ABCB5: variants seen among roughly 807,000 people sequenced by gnomAD.
ABCB5 encodes the protein ATP binding cassette subfamily B member 5.
A neutral mutation model predicts 144.2 loss-of-function variants in ABCB5; 155 were observed. The ratio of observed to expected loss-of-function variants is 1.08; its 90% CI spans 0.94 to 1.23. ABCB5 has a LOEUF of 1.23. ABCB5 is among the 50% of genes most tolerant of loss of function. The pLI is 0.00. For synonymous variants in ABCB5, 610 were observed against 528.6 expected (o/e 1.15, Z -2.11); for missense variants, 1,830 against 1,520.8 (o/e 1.20, Z -3.38).
At chr7:20,634,504 C>T (rs974243881) in intron 5 of ABCB5, among the ~76,000 whole-genome samples, 2 of 152,080 alleles carry the variant, frequency 1.3e-5, no homozygotes, top group East Asian at 1.9e-4. Context: ...TACTAATTTA[C>T]GTTACCCCCA....
intron 14 of ABCB5, among the ~76,000 whole-genome samples, chr7:20,665,868 A>T (rs1785173924): frequency 5.6e-4 from 1 of 1,788 alleles, no homozygotes; most frequent in Non-Finnish European, 8.9e-4. Flanking sequence ...TTTGCAGTTA[A>T]AAAAAAAAAA....
intron 7 of ABCB5, among the ~76,000 whole-genome samples, chr7:20,644,118 C>A (rs11982947): frequency 0.087 from 13,231 of 151,450 alleles, 1,787 homozygotes; most frequent in African/African-American, 0.28. Flanking sequence ...CAAGGTCTCA[C>A]TGTGTCACAC....
intron 14 of ABCB5, among the ~76,000 whole-genome samples, chr7:20,676,736 A>G (rs1785626546): frequency 6.6e-6 from 1 of 152,252 alleles, no homozygotes; most frequent in East Asian, 1.9e-4. Flanking sequence ...TTAAGAGGAT[A>G]GATCTCATGT....
intron 15 of ABCB5, among the ~76,000 whole-genome samples, chr7:20,682,414 A>G (rs1785859217): frequency 6.6e-6 from 1 of 152,180 alleles, no homozygotes. Flanking sequence ...ATTACCCACA[A>G]AAGGCTTCAT....
chr7:20,659,843 C>G (rs1447101937), intron 14 of ABCB5: 11 of 913,172 alleles, frequency 1.2e-5, no homozygotes, highest in East Asian at 1.2e-4. Flanking sequence ...ATCACCACAC[C>G]CAGCTAATTT....
At chr7:20,693,249 C>T (rs992704529) in intron 16 of ABCB5, among the ~76,000 whole-genome samples, 1 of 151,888 alleles carries the variant, frequency 6.6e-6, no homozygotes, top group Non-Finnish European at 1.5e-5. Flanking sequence ...TTCCTGTAGT[C>T]CCAGCTACTG....
intron 16 of ABCB5, 110 bp downstream of exon 16, chr7:20,685,946 A>G: frequency 8.7e-7 from 1 of 1,155,692 alleles, no homozygotes; most frequent in Non-Finnish European, 1.2e-6. Context: ...TGTAGCACTA[A>G]GCTCACAAAA....
At chr7:20,658,236 T>C (rs572639521) in intron 13 of ABCB5, among the ~76,000 whole-genome samples, 10 of 152,214 alleles carry the variant, frequency 6.6e-5, no homozygotes, top group Admixed American at 5.9e-4. Flanking sequence ...TTTAAATTAT[T>C]ATTAATTTTT....
At chr7:20,698,713 G>C (rs1786508232) in intron 17 of ABCB5, among the ~76,000 whole-genome samples, 163 bp downstream of exon 17, 1 of 152,200 alleles carries the variant, frequency 6.6e-6, no homozygotes, top group Non-Finnish European at 1.5e-5. Flanking sequence ...GTTCCCAGGA[G>C]ATAAGCCAGC....
At chr7:20,727,225 C>T (rs1185173121) in intron 22 of ABCB5, 85 bp downstream of exon 22, 1 of 865,534 alleles carries the variant, frequency 1.2e-6, no homozygotes, top group Non-Finnish European at 1.8e-6. Flanking sequence ...GGTTTGCCTG[C>T]TAATTCATTT....
At chr7:20,647,693 G>C in intron 10 of ABCB5, 45 bp downstream of exon 10, 3 of 1,532,580 alleles carry the variant, frequency 2.0e-6, no homozygotes, top group South Asian at 1.3e-5. Context: ...ATTACTGCAA[G>C]AAGGAGACAA....
Position 20,646,036 on chromosome 7 carries a change from T to C in ABCB5, c.879T>C (p.Ala293=). The change falls in exon 9 of 28, where the codon GCT becomes GCC. Residue 293 remains alanine (A), a synonymous_variant. Coordinates refer to ENST00000404938, the MANE Select transcript of ABCB5 (RefSeq NM_001163941.2). ...TAGCTTCAAAAGTGTCTCTTGGTGCTGTGTACTTCTTTATGAATGGAACCT... is the reference window on the plus strand; with the variant it reads ...TAGCTTCAAAAGTGTCTCTTGGTGCCGTGTACTTCTTTATGAATGGAACCT... ...RTIASKVSLG[A]VYFFMNGTYG... is the part of the protein sequence containing the mutation. 1 of 1,613,912 alleles carries C rather than the reference T, an allele frequency of 6.2e-7. No individual in the cohort carries two copies. Among genetic ancestry groups the C allele is most frequent in the Non-Finnish European group, 8.5e-7 (1 of 1,179,810 alleles).
Position 20,732,682 on chromosome 7 carries a change from T to C in ABCB5, c.2867+4227T>C, listed in dbSNP as rs1235836767. On this transcript the variant is annotated intron_variant, in intron 23 of 27. Coordinates refer to ENST00000404938, the MANE Select transcript of ABCB5 (RefSeq NM_001163941.2). ...CTAATTTTCTTCTTTTCTACACCCA[T>C]ATGTCTAATACCAGGTGCTTTGGCA... Among the ~76,000 whole-genome samples, 4 of 152,182 alleles carry C rather than the reference T, an allele frequency of 2.6e-5. No homozygotes were observed. In the South Asian group the frequency reaches 8.3e-4, roughly 32 times the overall value.
At chr7:20,689,738 C>A (rs1275727142) in intron 16 of ABCB5, among the ~76,000 whole-genome samples, 1 of 152,196 alleles carries the variant, frequency 6.6e-6, no homozygotes, top group Non-Finnish European at 1.5e-5. Flanking sequence ...AGAAAAACCT[C>A]CTCCTGCAAT....
At chr7:20,651,153 A>G (rs77707831) in intron 12 of ABCB5, among the ~76,000 whole-genome samples, 8,572 of 152,288 alleles carry the variant, frequency 0.056, 343 homozygotes, top group South Asian at 0.14. Context: ...TATCTTTATA[A>G]TATCTAACTT....
chr7:20,740,135 G>A (rs1042589056), intron 24 of ABCB5, among the ~76,000 whole-genome samples: 3 of 152,172 alleles, frequency 2.0e-5, no homozygotes, highest in Admixed American at 6.5e-5. Context: ...AGCTACTCGG[G>A]AGGGCGAGAC....
chr7:20,730,796 AGTTT>A (rs1782184545), intron 23 of ABCB5, among the ~76,000 whole-genome samples: 1 of 152,166 alleles, frequency 6.6e-6, no homozygotes, highest in Non-Finnish European at 1.5e-5. Flanking sequence ...GTAATCCAAA[AGTTT>A]GTTTGCAAGC....
chr7:20,659,106 G>A, intron 14 of ABCB5: 1 of 1,613,950 alleles, frequency 6.2e-7, no homozygotes. Context: ...TTCACCTCAA[G>A]TGGAGAATCG....
chr7:20,635,387 CTTT>C (rs71020650), intron 5 of ABCB5, among the ~76,000 whole-genome samples: 5 of 142,850 alleles, frequency 3.5e-5, no homozygotes, highest in Admixed American at 6.9e-5. Flanking sequence ...GTTATAAAGG[CTTT>C]TTTTTTTTTT....
Sources: gnomAD v4.1 joint callset for allele counts (sites outside exome capture counted in the v4.1 genomes callset) on GRCh38, gnomAD v4.1.1 for gene constraint, MANE v1.5 for transcripts, NCBI Gene and HGNC (gene_info 2026-07-23, HGNC 2026-07-21) for gene names.